The following XIRP2 variants were observed in gnomAD, a reference collection of about 807,000 sequenced individuals.
The protein encoded by XIRP2 is xin actin-binding repeat-containing protein 2.
A neutral mutation model predicts 277.0 loss-of-function variants in XIRP2; 236 were observed. The observed-to-expected ratio is 0.85, with a 90% CI of 0.77 to 0.95. The LOEUF (loss-of-function observed/expected upper bound fraction) is 0.95, where lower values mean the gene tolerates loss of function less well. XIRP2 is among the 40% of genes least tolerant of loss of function. The pLI, the probability that XIRP2 is intolerant of heterozygous loss-of-function variation, is 0.00. For synonymous variants in XIRP2, 1,490 were observed against 1,416.5 expected (o/e 1.05, Z -1.17); for missense variants, 4,640 against 4,157.5 (o/e 1.12, Z -3.19).
chr2:167,183,187 C>A (rs980351349), intron 3 of XIRP2, among the ~76,000 whole-genome samples: 1 of 152,286 alleles, frequency 6.6e-6, no homozygotes. Flanking sequence ...TGCTAAATAT[C>A]TTTCATTGTA....
chr2:167,083,052 TC>T (rs1689791480), intron 2 of XIRP2, among the ~76,000 whole-genome samples: 2 of 152,252 alleles, frequency 1.3e-5, no homozygotes. Context: ...GCCTAGGTTT[TC>T]TTCTAGGGTT....
At chr2:167,233,418 A>T (rs931483745) in intron 5 of XIRP2, among the ~76,000 whole-genome samples, 2 of 151,990 alleles carry the variant, frequency 1.3e-5, no homozygotes, top group Admixed American at 1.3e-4. Context: ...TATAAGATTG[A>T]TACAAAGCAG....
chr2:167,249,630 A>T lies in XIRP2; in HGVS notation c.8238A>T (p.Lys2746Asn), dbSNP rs750403090. 1 of 1,613,612 alleles carries T rather than the reference A, an allele frequency of 6.2e-7. No individual in the cohort carries two copies. Among genetic ancestry groups the T allele is most frequent in the Non-Finnish European group, 8.5e-7 (1 of 1,179,812 alleles). The change falls in exon 9 of 11, where the codon AAA becomes AAT. Residue 2746 changes from lysine (K) to asparagine (N), a missense_variant. Coordinates refer to ENST00000409195, the MANE Select transcript of XIRP2 (RefSeq NM_152381.6). ...SEIDVQTFTK[K>N]QYLKTKKTEA... ...TTGATGTTCAAACCTTTACCAAAAA[A>T]CAATATCTGAAAACCAAGAAAACTG... is the stretch of plus-strand genomic sequence containing the variant.
chr2:167,077,124 A>G (rs577225983), intron 2 of XIRP2, among the ~76,000 whole-genome samples: 2 of 152,200 alleles, frequency 1.3e-5, no homozygotes, highest in Admixed American at 1.3e-4. Context: ...AAGTGCTGGG[A>G]TTACAGGCGT....
At chr2:166,995,590 T>C (rs1029576027) in intron 2 of XIRP2, among the ~76,000 whole-genome samples, 1 of 152,226 alleles carries the variant, frequency 6.6e-6, no homozygotes, top group Non-Finnish European at 1.5e-5. Context: ...CCCTTCTGTG[T>C]CTACTATAAA....
At chr2:167,190,914 G>T (rs1376931154) in intron 3 of XIRP2, among the ~76,000 whole-genome samples, 1 of 152,020 alleles carries the variant, frequency 6.6e-6, no homozygotes, top group African/African-American at 2.4e-5. Context: ...AAAGATAAAA[G>T]AAATTTATTG....
chr2:167,248,146 G>A lies in XIRP2; in HGVS notation c.6754G>A (p.Asp2252Asn). 1 of 1,613,644 alleles carries A rather than the reference G, an allele frequency of 6.2e-7. No individual in the cohort carries two copies. ...RETDVHLKSQ[D>N]FLMKTNTSTG... ...GACTGATGTTCACTTGAAAAGCCAGGACTTTCTAATGAAAACAAATACTTC... is the reference window on the plus strand; with the variant it reads ...GACTGATGTTCACTTGAAAAGCCAGAACTTTCTAATGAAAACAAATACTTC... The change falls in exon 9 of 11, where the codon GAC becomes AAC. Residue 2252 changes from aspartate (D) to asparagine (N), a missense_variant. Physicochemically the swap from Asp to Asn is conservative, Grantham distance 23. Coordinates refer to ENST00000409195, the MANE Select transcript of XIRP2 (RefSeq NM_152381.6).
intron 3 of XIRP2, among the ~76,000 whole-genome samples, chr2:167,158,768 T>G (rs1285059444): frequency 6.6e-6 from 1 of 152,194 alleles, no homozygotes; most frequent in Non-Finnish European, 1.5e-5. Flanking sequence ...CATTTAGATT[T>G]TATTGCACTT....
chr2:167,081,293 C>T (rs912544622), intron 2 of XIRP2, among the ~76,000 whole-genome samples: 2 of 151,986 alleles, frequency 1.3e-5, no homozygotes, highest in African/African-American at 4.8e-5. Flanking sequence ...CAGCAAGACC[C>T]TCATGTCTGC....
At chr2:166,972,816 G>C (rs1240254502) in intron 2 of XIRP2, among the ~76,000 whole-genome samples, 1 of 152,128 alleles carries the variant, frequency 6.6e-6, no homozygotes, top group Non-Finnish European at 1.5e-5. Context: ...TTGTCATTCA[G>C]ATTCCAGGTA....
At chr2:167,187,532 G>A in intron 3 of XIRP2, 2 of 985,022 alleles carry the variant, frequency 2.0e-6, no homozygotes, top group Non-Finnish European at 2.4e-6. Flanking sequence ...ATCATAAAAG[G>A]TAAGTGTAAT....
At chr2:166,906,240 C>G (rs1265509970) in intron 2 of XIRP2, among the ~76,000 whole-genome samples, 2 of 151,898 alleles carry the variant, frequency 1.3e-5, no homozygotes, top group African/African-American at 4.8e-5. Flanking sequence ...GAAGGAAACC[C>G]TTCAGTAGTA....
intron 2 of XIRP2, among the ~76,000 whole-genome samples, chr2:167,071,436 C>T (rs1056351450): frequency 2.0e-5 from 3 of 152,098 alleles, no homozygotes; most frequent in South Asian, 2.1e-4. Context: ...TCCGACACGC[C>T]GGAACAAGCC....
chr2:166,895,249 G>T (rs1413181550), intron 1 of XIRP2, among the ~76,000 whole-genome samples: 1 of 152,162 alleles, frequency 6.6e-6, no homozygotes, highest in Non-Finnish European at 1.5e-5. Flanking sequence ...GTCCACATTG[G>T]TTGTATTATG....
intron 2 of XIRP2, among the ~76,000 whole-genome samples, chr2:167,106,454 T>C (rs1322742470): frequency 4.0e-5 from 6 of 151,764 alleles, no homozygotes; most frequent in African/African-American, 1.4e-4. Context: ...CTGCTTTTTG[T>C]ACCTTTTTCA....
intron 3 of XIRP2, among the ~76,000 whole-genome samples, chr2:167,137,809 T>A (rs1691597765): frequency 6.6e-6 from 1 of 152,178 alleles, no homozygotes; most frequent in Non-Finnish European, 1.5e-5. Context: ...TTTAATTTCA[T>A]TTTATCTGTA....
At position 166,996,507 on chromosome 2, in the gene XIRP2, A is replaced by G. The variant is rs553224172; in HGVS notation, c.408+92617A>G. 2.5e-3 allele frequency among the ~76,000 whole-genome samples: 377 copies of G among 152,212 alleles called. 1 individual carries two copies. Among genetic ancestry groups the G allele is most frequent in the African/African-American group, 8.6e-3 (359 of 41,542 alleles). On this transcript the variant is annotated intron_variant, in intron 2 of 10. Transcript: ENST00000409195. ...TTAGGCGTGGTGATGCACGCCTGTA[A>G]TCTCAGCTACTCAGGAGGCTGAAGC... is the stretch of plus-strand genomic sequence containing the variant.
intron 2 of XIRP2, among the ~76,000 whole-genome samples, chr2:167,112,262 T>C (rs1166089262): frequency 3.9e-5 from 6 of 151,950 alleles, no homozygotes; most frequent in Non-Finnish European, 8.8e-5. Context: ...TTTGGTTAAT[T>C]TGAGGTCTTT....
intron 2 of XIRP2, among the ~76,000 whole-genome samples, chr2:166,913,576 G>A (rs1967279): frequency 0.023 from 3,493 of 152,290 alleles, 70 homozygotes; most frequent in Non-Finnish European, 0.039. Flanking sequence ...AGGAACACAT[G>A]AGGCCTGTGG....
Sources: gnomAD v4.1 joint callset for allele counts (sites outside exome capture counted in the v4.1 genomes callset) on GRCh38, gnomAD v4.1.1 for gene constraint, MANE v1.5 for transcripts, NCBI Gene and HGNC (gene_info 2026-07-23, HGNC 2026-07-21) for gene names.